FHAD1: variants seen among roughly 807,000 people sequenced by gnomAD.
FHAD1 encodes the protein forkhead associated phosphopeptide binding domain 1, also known as forkhead-associated domain-containing protein 1.
A neutral mutation model predicts 191.3 loss-of-function variants in FHAD1; 146 were observed. The ratio of observed to expected loss-of-function variants is 0.76; its 90% CI spans 0.67 to 0.88. The LOEUF (loss-of-function observed/expected upper bound fraction) is 0.88. Ranked by LOEUF, FHAD1 falls within the 40% of genes least tolerant of loss-of-function variation. The pLI is 0.00. For synonymous variants in FHAD1, 616 were observed against 672.3 expected (o/e 0.92, Z 1.29); for missense variants, 1,635 against 1,785.8 (o/e 0.92, Z 1.52).
rs76212277 is a variant in FHAD1, at chr1:15,367,456, C to G, written c.3155-7C>G. 1,310 of 1,550,520 alleles carry G rather than the reference C, an allele frequency of 8.4e-4. 10 individuals are homozygous for G. In the African/African-American group the frequency reaches 0.014, roughly 17 times the overall value. ...GACCCCCTTACCGGCCCTCCTGTCA[C>G]TCGCAGGGGAGCTAAACGAGAAGCA... On this transcript the variant is annotated splice_region_variant and splice_polypyrimidine_tract_variant and intron_variant, in intron 24 of 33. Transcript: ENST00000688493.
Position 15,382,341 on chromosome 1 carries a change from C to T in FHAD1, c.4188+148C>T, listed in dbSNP as rs527572192. 5.1e-4 allele frequency: 405 copies of T among 795,814 alleles called. 1 individual carries two copies. The highest frequency in any genetic ancestry group is 4.9e-4 in the Non-Finnish European group (249 of 506,606). 49.3% of individuals were successfully genotyped at this position (795,814 alleles called of 1,614,324 possible). On this transcript the variant is annotated intron_variant, in intron 31 of 33. Transcript: ENST00000688493. Reference sequence around the variant, plus strand: ...GCAACTGGATAGCTTTTGCATCAGACAGACCTAGATTTAGACCAGAGCTCA... The same window carrying T: ...GCAACTGGATAGCTTTTGCATCAGATAGACCTAGATTTAGACCAGAGCTCA...
chr1:15,260,446 G>T (rs1650496446), intron 2 of FHAD1, among the ~76,000 whole-genome samples: 1 of 152,196 alleles, frequency 6.6e-6, no homozygotes, highest in African/African-American at 2.4e-5. Flanking sequence ...AGTCTGAGTG[G>T]ACTCAGCTGG....
At chr1:15,347,942 C>T (rs955108666) in intron 18 of FHAD1, among the ~76,000 whole-genome samples, 2 of 152,198 alleles carry the variant, frequency 1.3e-5, no homozygotes, top group East Asian at 1.9e-4. Flanking sequence ...CCAATAGTAC[C>T]TGTCCCGACT....
chr1:15,384,058 T>TA (rs1701548975), intron 31 of FHAD1: 1 of 201,952 alleles, frequency 5.0e-6, no homozygotes, highest in South Asian at 5.9e-5. Context: ...TGTGTGACAC[T>TA]ATGTGTGTGT....
At chr1:15,321,222 A>G (rs1454950685) in intron 10 of FHAD1, among the ~76,000 whole-genome samples, 2 of 152,192 alleles carry the variant, frequency 1.3e-5, no homozygotes, top group South Asian at 2.1e-4. Context: ...GTGAGCCACA[A>G]TGCCTGGGCG....
chr1:15,347,782 A>C (rs985148017), intron 18 of FHAD1, among the ~76,000 whole-genome samples: 1 of 152,200 alleles, frequency 6.6e-6, no homozygotes, highest in Non-Finnish European at 1.5e-5. Context: ...CCGCCACATC[A>C]TCAGGGTTTT....
At chr1:15,294,088 G>A (rs1666067139) in intron 4 of FHAD1, among the ~76,000 whole-genome samples, 1 of 152,162 alleles carries the variant, frequency 6.6e-6, no homozygotes. Flanking sequence ...CTGTAGTGAG[G>A]AGTTCCCCTG....
In FHAD1 at chr1:15,372,427, G is replaced by A. The variant is rs1315190487; in HGVS notation, c.3448-2075G>A. Among the ~76,000 whole-genome samples, 4 of 152,270 alleles carry A rather than the reference G, an allele frequency of 2.6e-5. No homozygotes were observed. The South Asian group carries it at 6.2e-4, about 24-fold the overall frequency. Reference sequence around the variant, plus strand: ...AGATGTCTCCTTTGCTCTCCTCTGCGTTCTTTTCCCGGAGCACTTATCATT... The same window carrying A: ...AGATGTCTCCTTTGCTCTCCTCTGCATTCTTTTCCCGGAGCACTTATCATT... On this transcript the variant is annotated intron_variant, in intron 26 of 33. Coordinates refer to ENST00000688493, the MANE Select transcript of FHAD1 (RefSeq NM_001391957.1).
intron 3 of FHAD1, among the ~76,000 whole-genome samples, chr1:15,287,872 C>T (rs150479514): frequency 4.9e-4 from 74 of 152,286 alleles, no homozygotes; most frequent in Admixed American, 1.0e-3. Context: ...GAAGTGCTGT[C>T]TGCTGGAGCT....
At chr1:15,255,585 C>T (rs1002894502) in intron 2 of FHAD1, among the ~76,000 whole-genome samples, 13 of 152,172 alleles carry the variant, frequency 8.5e-5, no homozygotes, top group Non-Finnish European at 1.2e-4. Context: ...CGGAGACAAG[C>T]CTGGGGACAC....
At chr1:15,368,064 C>T (rs372777076) in intron 25 of FHAD1, among the ~76,000 whole-genome samples, 8 of 152,286 alleles carry the variant, frequency 5.3e-5, no homozygotes, top group African/African-American at 1.2e-4. Flanking sequence ...CTCTGCCTCC[C>T]GGGTTCAAGC....
chr1:15,360,277 C>A (rs1026537170), intron 21 of FHAD1, among the ~76,000 whole-genome samples: 1 of 152,234 alleles, frequency 6.6e-6, no homozygotes, highest in Non-Finnish European at 1.5e-5. Context: ...GGACGTGATG[C>A]TGGAGCTGAG....
At chr1:15,350,761 G>A (rs975638846) in intron 19 of FHAD1, among the ~76,000 whole-genome samples, 5 of 152,202 alleles carry the variant, frequency 3.3e-5, no homozygotes, top group Non-Finnish European at 7.3e-5. Flanking sequence ...ACCTGCCCTG[G>A]TGAGGTCAGA....
At chr1:15,279,528 T>A (rs116735651) in intron 3 of FHAD1, among the ~76,000 whole-genome samples, 123 of 139,570 alleles carry the variant, frequency 8.8e-4, no homozygotes, top group African/African-American at 3.1e-3. Context: ...CTTTCTTGCC[T>A]ATTAAACTTT....
intron 2 of FHAD1, among the ~76,000 whole-genome samples, chr1:15,252,101 T>A (rs150215861): frequency 2.6e-3 from 390 of 152,258 alleles, no homozygotes; most frequent in Non-Finnish European, 4.8e-3. Flanking sequence ...TGCGCTCCCA[T>A]CCTTTGCTGA....
intron 2 of FHAD1, among the ~76,000 whole-genome samples, chr1:15,257,199 G>A (rs74053826): frequency 0.015 from 2,311 of 152,304 alleles, 57 homozygotes; most frequent in African/African-American, 0.053. Context: ...AGCTCTGTTG[G>A]CATCGCCACA....
intron 3 of FHAD1, among the ~76,000 whole-genome samples, chr1:15,275,963 C>A (rs1658214157): frequency 6.6e-6 from 1 of 152,096 alleles, no homozygotes; most frequent in African/African-American, 2.4e-5. Flanking sequence ...TGACCATAAC[C>A]AACAGAGAGG....
In FHAD1 at chr1:15,361,058, C is replaced by T. The variant is rs142452468; in HGVS notation, c.2962+355C>T. Among the ~76,000 whole-genome samples, 10 of 152,298 alleles carry T rather than the reference C, an allele frequency of 6.6e-5. No homozygotes were observed. In the East Asian group the frequency reaches 1.9e-3, roughly 29 times the overall value. On this transcript the variant is annotated intron_variant, in intron 22 of 33. Coordinates refer to ENST00000688493, the MANE Select transcript of FHAD1 (RefSeq NM_001391957.1). ...CCTTTCAAAGGTTTCTCTCTGCCAT[C>T]GGCCTTTTGCATCTTCACTAATGCA...
At chr1:15,362,555 TG>T in intron 22 of FHAD1, 86 bp from the exon 23 acceptor site, 1 of 1,083,012 alleles carries the variant, frequency 9.2e-7, no homozygotes, top group Non-Finnish European at 1.4e-6. Context: ...AGGCAGGGTT[TG>T]TAAGTTGTGA....
Sources: allele counts gnomAD v4.1 joint callset (sites outside exome capture counted in the v4.1 genomes callset), GRCh38; gene constraint gnomAD v4.1.1; transcripts MANE v1.5; gene names NCBI Gene and HGNC (gene_info 2026-07-23, HGNC 2026-07-21).